Variants in CC2D2B observed in about 807,000 individuals in gnomAD.
The protein encoded by CC2D2B is coiled-coil and C2 domain containing 2B.
Under a neutral mutation model 161.2 loss-of-function variants are expected in CC2D2B, and 128 were observed. The ratio of observed to expected loss-of-function variants is 0.79; its 90% confidence interval spans 0.69 to 0.92. The LOEUF is 0.92. CC2D2B is among the 40% of genes least tolerant of loss of function. The probability of loss-of-function intolerance (pLI) is 0.00; values close to 1 mark genes in which losing one functional copy is unlikely to be tolerated. For synonymous variants in CC2D2B, 391 were observed against 449.8 expected (o/e 0.87, Z 1.65); for missense variants, 1,173 against 1,375.1 (o/e 0.85, Z 2.32).
At chr10:96,029,017 G>T (rs1294974181) in intron 34 of CC2D2B, among the ~76,000 whole-genome samples, 1 of 151,706 alleles carries the variant, frequency 6.6e-6, no homozygotes, top group Non-Finnish European at 1.5e-5. Context: ...ATGGGTAATG[G>T]ATACAAAAAA....
chr10:95,934,642 G>C (rs1323396745), intron 6 of CC2D2B, among the ~76,000 whole-genome samples: 3 of 152,088 alleles, frequency 2.0e-5, no homozygotes, highest in Non-Finnish European at 4.4e-5. Context: ...CTAGGGGAGG[G>C]AGTTCCCCAA....
chr10:95,995,117 C>G (rs774785502), intron 22 of CC2D2B, among the ~76,000 whole-genome samples, 152 bp from the exon 23 acceptor site: 37 of 152,264 alleles, frequency 2.4e-4, no homozygotes, highest in Non-Finnish European at 4.0e-4. Flanking sequence ...TAGCTGTAAC[C>G]ACACATGATA....
intron 16 of CC2D2B, among the ~76,000 whole-genome samples, chr10:95,973,330 G>T (rs1344532680): frequency 6.6e-6 from 1 of 152,124 alleles, no homozygotes; most frequent in East Asian, 1.9e-4. Flanking sequence ...ATTAGATGCA[G>T]AAGACTTGGG....
At chr10:95,964,878 C>T (rs1324268728) in intron 12 of CC2D2B, among the ~76,000 whole-genome samples, 2 of 152,104 alleles carry the variant, frequency 1.3e-5, no homozygotes, top group Admixed American at 6.6e-5. Context: ...GTGCAACAAT[C>T]ACCGCAATTT....
chr10:95,993,312 G>A (rs1011137169), intron 22 of CC2D2B, among the ~76,000 whole-genome samples: 2 of 152,144 alleles, frequency 1.3e-5, no homozygotes, highest in Non-Finnish European at 2.9e-5. Flanking sequence ...CGTGTATTTA[G>A]TGTATCCTGG....
chr10:96,004,900 G>A (rs2078678651), intron 25 of CC2D2B, among the ~76,000 whole-genome samples: 3 of 152,120 alleles, frequency 2.0e-5, no homozygotes, highest in African/African-American at 4.8e-5. Context: ...CTACCTGGAG[G>A]GCCTGGGGAT....
chr10:95,980,582 C>T (rs956392016), intron 17 of CC2D2B, among the ~76,000 whole-genome samples: 91 of 152,120 alleles, frequency 6.0e-4, no homozygotes, highest in African/African-American at 2.0e-3. Context: ...CAGGTCCTAG[C>T]GATCTCTTAT....
chr10:96,031,756 A>G (rs1196044849), intron 34 of CC2D2B, 64 bp from the exon 35 acceptor site: 9 of 1,359,096 alleles, frequency 6.6e-6, no homozygotes, highest in Admixed American at 5.8e-5. Context: ...ATCTTTTTGC[A>G]TACAGTAATT....
chr10:96,008,283 T>C (rs1241676907), intron 25 of CC2D2B, among the ~76,000 whole-genome samples: 1 of 151,956 alleles, frequency 6.6e-6, no homozygotes, highest in Admixed American at 6.6e-5. Flanking sequence ...CAGTATTCCA[T>C]TGATAAACAT....
At chr10:95,938,227 C>T (rs756679901) in intron 7 of CC2D2B, 38 bp downstream of exon 7, 59 of 1,315,516 alleles carry the variant, frequency 4.5e-5, no homozygotes, top group Admixed American at 4.0e-4. Context: ...AAGTCATTAA[C>T]GAATTATGTT....
chr10:95,972,490 T>C (rs553699587), intron 16 of CC2D2B, among the ~76,000 whole-genome samples: 85 of 152,238 alleles, frequency 5.6e-4, no homozygotes, highest in African/African-American at 2.0e-3. Context: ...ATTTTTGTAT[T>C]TTTAGTAGAG....
At chr10:95,981,241 A>G (rs578177347) in intron 17 of CC2D2B, among the ~76,000 whole-genome samples, 6 of 152,202 alleles carry the variant, frequency 3.9e-5, no homozygotes, top group African/African-American at 7.2e-5. Context: ...AAAATACACA[A>G]GTTAGCCAGG....
chr10:95,945,382 G>A (rs2076161150), intron 9 of CC2D2B, among the ~76,000 whole-genome samples: 4 of 152,146 alleles, frequency 2.6e-5, no homozygotes, highest in Non-Finnish European at 5.9e-5. Context: ...GGCAACCAAG[G>A]TAGATATAAT....
intron 1 of CC2D2B, among the ~76,000 whole-genome samples, chr10:95,908,547 A>G (rs1470164730): frequency 6.6e-6 from 1 of 152,206 alleles, no homozygotes; most frequent in Non-Finnish European, 1.5e-5. Flanking sequence ...TGTAAAAATT[A>G]AAGGTTGGAG....
At chr10:95,930,914 A>C (rs2098548912) in intron 6 of CC2D2B, among the ~76,000 whole-genome samples, 1 of 152,162 alleles carries the variant, frequency 6.6e-6, no homozygotes, top group Non-Finnish European at 1.5e-5. Context: ...TGAGTTAGCG[A>C]GGAGTCTCTC....
At chr10:96,019,395 ACACTAGAAT>A (rs1412159633) in intron 31 of CC2D2B, 58 bp downstream of exon 31, 1 of 1,478,812 alleles carries the variant, frequency 6.8e-7, no homozygotes, top group Non-Finnish European at 9.2e-7. Context: ...CCCTGGCTAC[ACACTAGAAT>A]CACCTGGGGA....
chr10:95,929,857 A>G (rs2098546574), intron 6 of CC2D2B, among the ~76,000 whole-genome samples: 1 of 152,186 alleles, frequency 6.6e-6, no homozygotes, highest in Admixed American at 6.5e-5. Context: ...CTTTTTGCTT[A>G]ATATTGTCTT....
chr10:95,912,994 T>A (rs569035389), intron 2 of CC2D2B, among the ~76,000 whole-genome samples: 3 of 152,262 alleles, frequency 2.0e-5, no homozygotes, highest in African/African-American at 7.2e-5. Context: ...CTTTCAGTTA[T>A]TCTAAAATGT....
At chr10:96,025,398 C>T (rs1318875360) in intron 33 of CC2D2B, among the ~76,000 whole-genome samples, 9 of 148,242 alleles carry the variant, frequency 6.1e-5, no homozygotes, top group African/African-American at 2.2e-4. Context: ...TCCATTGAAC[C>T]ACCTGGTTCT....
Sources: allele counts gnomAD v4.1 joint callset (sites outside exome capture counted in the v4.1 genomes callset), GRCh38; gene constraint gnomAD v4.1.1; transcripts MANE v1.5; gene names NCBI Gene and HGNC (gene_info 2026-07-23, HGNC 2026-07-21).